Variants in TTC28 observed in about 807,000 individuals in gnomAD.
TTC28 encodes tetratricopeptide repeat domain 28.
In TTC28, 61 loss-of-function variants were observed where a neutral mutation model predicts 198.0. The ratio of observed to expected loss-of-function variants is 0.31; its 90% confidence interval spans 0.25 to 0.38. The LOEUF (loss-of-function observed/expected upper bound fraction) is 0.38, where lower values mean the gene tolerates loss of function less well. TTC28 is among the 10% of genes least tolerant of loss of function. The pLI is 1.00. For synonymous variants in TTC28, 1,171 were observed against 1,297.8 expected (o/e 0.90, Z 2.10); for missense variants, 2,678 against 3,164.0 (o/e 0.85, Z 3.69).
intron 2 of TTC28, among the ~76,000 whole-genome samples, chr22:28,529,044 T>C (rs2049071355): frequency 6.6e-6 from 1 of 152,138 alleles, no homozygotes; most frequent in East Asian, 1.9e-4. Context: ...AGGTACCAGG[T>C]TCATCTCACT....
At chr22:28,391,851 C>T (rs917128523) in intron 2 of TTC28, among the ~76,000 whole-genome samples, 1 of 152,242 alleles carries the variant, frequency 6.6e-6, no homozygotes, top group Non-Finnish European at 1.5e-5. Flanking sequence ...TCGTCAAAGT[C>T]ATTCTCCGTC....
chr22:28,272,183 T>C (rs1932130924), intron 5 of TTC28, among the ~76,000 whole-genome samples: 1 of 152,236 alleles, frequency 6.6e-6, no homozygotes, highest in African/African-American at 2.4e-5. Flanking sequence ...CTAGCACAGA[T>C]GGTGCTTCAT....
intron 6 of TTC28, among the ~76,000 whole-genome samples, chr22:28,115,090 G>A (rs1057409542): frequency 3.3e-5 from 5 of 152,014 alleles, no homozygotes; most frequent in African/African-American, 9.7e-5. Flanking sequence ...AGGCCCACAC[G>A]GCTCTAAGTG....
intron 2 of TTC28, among the ~76,000 whole-genome samples, chr22:28,563,462 A>G (rs1375342158): frequency 6.6e-6 from 1 of 152,192 alleles, no homozygotes; most frequent in Non-Finnish European, 1.5e-5. Flanking sequence ...GTGTGAGTCA[A>G]TTGTAAGAAC....
chr22:28,323,928 G>A (rs538044058), intron 2 of TTC28, among the ~76,000 whole-genome samples: 44 of 152,182 alleles, frequency 2.9e-4, no homozygotes, highest in Admixed American at 5.9e-4. Flanking sequence ...ACATTTGAGT[G>A]GAAACCTTAC....
At chr22:28,549,881 A>T (rs2049626844) in intron 2 of TTC28, among the ~76,000 whole-genome samples, 1 of 152,216 alleles carries the variant, frequency 6.6e-6, no homozygotes, top group South Asian at 2.1e-4. Context: ...CACAAAATAC[A>T]GTTGTAAATT....
chr22:28,517,720 AC>A (rs1038921437), intron 2 of TTC28, among the ~76,000 whole-genome samples: 8 of 152,154 alleles, frequency 5.3e-5, no homozygotes, highest in Non-Finnish European at 8.8e-5. Context: ...AACTGAAAAA[AC>A]TTCATAAAGT....
At chr22:28,318,157 G>A (rs2145840372) in intron 2 of TTC28, among the ~76,000 whole-genome samples, 1 of 150,262 alleles carries the variant, frequency 6.7e-6, no homozygotes, top group South Asian at 2.1e-4. Context: ...TGATCCTCCT[G>A]CCTCGGCCTC....
rs887218139 is a variant in TTC28 at position 28,124,815 on chromosome 22, T to C, written c.1442-16412A>G. On this transcript the variant is annotated intron_variant, in intron 6 of 22. Transcript: ENST00000397906. ...GTTGTCTCAGGCTGTCACTTCATGC[T>C]CCTAGAACTTGGAGTTGAGGTAGAA... Among the ~76,000 whole-genome samples the C allele has an allele frequency of 8.5e-5, 13 of 152,322 alleles. 1 individual carries two copies. Among genetic ancestry groups the C allele is most frequent in the African/African-American group, 3.1e-4 (13 of 41,578 alleles).
chr22:28,529,615 T>C (rs1178947606), intron 2 of TTC28, among the ~76,000 whole-genome samples: 1 of 152,162 alleles, frequency 6.6e-6, no homozygotes, highest in Non-Finnish European at 1.5e-5. Context: ...CTCAAGTGGG[T>C]TCCTAACCCC....
chr22:28,596,281 C>T (rs1052293979), intron 2 of TTC28, among the ~76,000 whole-genome samples: 16 of 152,054 alleles, frequency 1.1e-4, no homozygotes, highest in Non-Finnish European at 2.1e-4. Flanking sequence ...GAAAAAAAGA[C>T]TGGTTAGAGT....
At chr22:28,020,428 CAG>C (rs1938544256) in intron 13 of TTC28, among the ~76,000 whole-genome samples, 1 of 152,142 alleles carries the variant, frequency 6.6e-6, no homozygotes, top group Non-Finnish European at 1.5e-5. Context: ...AGCATGCATG[CAG>C]AGAGAGGTGA....
chr22:28,544,163 A>C (rs1440082450), intron 2 of TTC28, among the ~76,000 whole-genome samples: 3 of 152,190 alleles, frequency 2.0e-5, no homozygotes, highest in Non-Finnish European at 4.4e-5. Flanking sequence ...GGTTGCAGTG[A>C]GTTGAGATCA....
chr22:28,164,962 C>T (rs1347626701), intron 5 of TTC28, among the ~76,000 whole-genome samples: 23 of 152,066 alleles, frequency 1.5e-4, no homozygotes, highest in Admixed American at 1.5e-3. Context: ...ACTAGAATAA[C>T]CAATGCAGAG....
chr22:28,294,493 C>T (rs1373825337), intron 5 of TTC28, among the ~76,000 whole-genome samples: 1 of 151,760 alleles, frequency 6.6e-6, no homozygotes, highest in Non-Finnish European at 1.5e-5. Context: ...GTCTTTCTAC[C>T]CTTTGTAGTA....
chr22:28,252,058 T>C (rs974164757), intron 5 of TTC28, among the ~76,000 whole-genome samples: 5 of 152,112 alleles, frequency 3.3e-5, no homozygotes, highest in East Asian at 1.9e-4. Flanking sequence ...AACTTGCGCA[T>C]AGGAGATGGC....
At chr22:28,048,739 A>G (rs1249800024) in intron 12 of TTC28, among the ~76,000 whole-genome samples, 2 of 152,020 alleles carry the variant, frequency 1.3e-5, no homozygotes, top group Non-Finnish European at 2.9e-5. Context: ...ACTGCCTGAG[A>G]CAAGCCTGCT....
chr22:28,088,476 C>T (rs1446361936), intron 12 of TTC28, among the ~76,000 whole-genome samples: 1 of 152,146 alleles, frequency 6.6e-6, no homozygotes, highest in Admixed American at 6.5e-5. Context: ...AAAGCTGAAA[C>T]TGGATCCCTT....
At chr22:28,356,810 A>G (rs2046084453) in intron 2 of TTC28, among the ~76,000 whole-genome samples, 1 of 152,224 alleles carries the variant, frequency 6.6e-6, no homozygotes, top group Non-Finnish European at 1.5e-5. Flanking sequence ...TTCACGTCCC[A>G]GCACATGCTC....
Sources: allele counts gnomAD v4.1 joint callset (sites outside exome capture counted in the v4.1 genomes callset), GRCh38; gene constraint gnomAD v4.1.1; transcripts MANE v1.5; gene names NCBI Gene and HGNC (gene_info 2026-07-23, HGNC 2026-07-21).